Variants in NLGN1 observed in about 807,000 individuals in gnomAD.
NLGN1 encodes neuroligin-1.
In NLGN1, 12 loss-of-function variants were observed where a neutral mutation model predicts 65.5. The observed-to-expected ratio is 0.18, with a 90% CI of 0.12 to 0.30. The LOEUF is 0.30. Ranked by LOEUF, NLGN1 falls within the 10% of genes least tolerant of loss-of-function variation. The pLI is 1.00. For missense variants in NLGN1, 750 were observed against 1,007.1 expected, an observed-to-expected ratio of 0.74 and a Z score of 3.46; for synonymous variants, 350 against 359.5, an observed-to-expected ratio of 0.97 and a Z score of 0.30.
intron 4 of NLGN1, among the ~76,000 whole-genome samples, chr3:173,951,974 A>G (rs960400273): frequency 1.1e-4 from 16 of 152,206 alleles, no homozygotes; most frequent in Non-Finnish European, 1.6e-4. Context: ...CAATAAAAGT[A>G]CATGTCTATG....
intron 4 of NLGN1, among the ~76,000 whole-genome samples, chr3:174,072,592 G>A (rs908870149): frequency 5.3e-5 from 8 of 152,094 alleles, no homozygotes; most frequent in Admixed American, 3.3e-4. Flanking sequence ...TTAAAATTGA[G>A]CAACGGGAAT....
At chr3:174,067,764 G>T (rs1301546385) in intron 4 of NLGN1, among the ~76,000 whole-genome samples, 2 of 152,092 alleles carry the variant, frequency 1.3e-5, no homozygotes, top group Admixed American at 1.3e-4. Flanking sequence ...CTTTAAAAAT[G>T]GAATGATCAG....
At chr3:173,806,195 G>A (rs1482637610) in intron 3 of NLGN1, among the ~76,000 whole-genome samples, 1 of 152,062 alleles carries the variant, frequency 6.6e-6, no homozygotes, top group Non-Finnish European at 1.5e-5. Flanking sequence ...TCGAAAATCT[G>A]GGCAAACAAG....
intron 4 of NLGN1, among the ~76,000 whole-genome samples, chr3:173,941,211 C>A (rs1438781894): frequency 6.6e-6 from 1 of 152,040 alleles, no homozygotes; most frequent in Non-Finnish European, 1.5e-5. Flanking sequence ...TCAAACCATT[C>A]AGGCCTTCCA....
At chr3:174,234,458 T>C (rs77564377) in intron 4 of NLGN1, among the ~76,000 whole-genome samples, 1 of 152,222 alleles carries the variant, frequency 6.6e-6, no homozygotes, top group Non-Finnish European at 1.5e-5. Flanking sequence ...TGAGGCGTTC[T>C]TTCCTTACCA....
intron 2 of NLGN1, among the ~76,000 whole-genome samples, chr3:173,529,756 C>G (rs990066116): frequency 6.6e-6 from 1 of 152,004 alleles, no homozygotes; most frequent in Non-Finnish European, 1.5e-5. Flanking sequence ...CTAACCTGTT[C>G]GTCAATGCAG....
intron 4 of NLGN1, among the ~76,000 whole-genome samples, chr3:174,031,502 C>T (rs1730013425): frequency 6.6e-6 from 1 of 152,098 alleles, no homozygotes. Flanking sequence ...AAATTGAAGA[C>T]TTTTCAGGAG....
At chr3:173,719,668 T>G (rs1019110826) in intron 3 of NLGN1, among the ~76,000 whole-genome samples, 1 of 152,242 alleles carries the variant, frequency 6.6e-6, no homozygotes, top group Non-Finnish European at 1.5e-5. Context: ...TGAACTTTTC[T>G]CAGAAAATAC....
At chr3:173,997,888 C>G (rs1024141826) in intron 4 of NLGN1, among the ~76,000 whole-genome samples, 1 of 152,086 alleles carries the variant, frequency 6.6e-6, no homozygotes, top group Non-Finnish European at 1.5e-5. Context: ...ACCAATACAT[C>G]AGATTCAGGG....
chr3:174,291,844 A>G, the NLGN1 span, among the ~76,000 whole-genome samples: 14 of 151,278 alleles, frequency 9.3e-5, no homozygotes, highest in Non-Finnish European at 1.6e-4. Context: ...AATGAGGGCT[A>G]TATGGTGGAG....
At chr3:173,494,171 G>T (rs1729648699) in intron 2 of NLGN1, among the ~76,000 whole-genome samples, 1 of 150,534 alleles carries the variant, frequency 6.6e-6, no homozygotes, top group South Asian at 2.1e-4. Context: ...GCGGGGAGTG[G>T]TGGTGGTGGT....
intron 4 of NLGN1, among the ~76,000 whole-genome samples, chr3:174,270,136 T>C (rs899561337): frequency 4.7e-5 from 7 of 150,314 alleles, no homozygotes; most frequent in Non-Finnish European, 7.4e-5. Context: ...TTTTTTTTTT[T>C]TTTTTGATGT....
At chr3:174,262,664 T>G (rs1444253582) in intron 4 of NLGN1, among the ~76,000 whole-genome samples, 2 of 151,444 alleles carry the variant, frequency 1.3e-5, no homozygotes, top group African/African-American at 2.4e-5. Flanking sequence ...TGTTGAAGGG[T>G]TTTTTGTGTC....
intron 3 of NLGN1, among the ~76,000 whole-genome samples, chr3:173,632,743 A>T (rs1755883754): frequency 6.6e-6 from 1 of 151,980 alleles, no homozygotes; most frequent in African/African-American, 2.4e-5. Flanking sequence ...TGAGATTTAG[A>T]GCCAAGGAAA....
intron 4 of NLGN1, among the ~76,000 whole-genome samples, chr3:174,239,250 G>A (rs1458265416): frequency 6.6e-6 from 1 of 151,988 alleles, no homozygotes; most frequent in Non-Finnish European, 1.5e-5. Context: ...TGTGTTTTTA[G>A]TAGAGATGGA....
intron 4 of NLGN1, among the ~76,000 whole-genome samples, chr3:173,979,061 G>A (rs183944890): frequency 3.9e-4 from 59 of 151,950 alleles, no homozygotes; most frequent in Non-Finnish European, 7.1e-4. Flanking sequence ...GAGCAACTGA[G>A]TACATTGGTG....
At chr3:173,635,896 A>G (rs970589604) in intron 3 of NLGN1, among the ~76,000 whole-genome samples, 1 of 152,066 alleles carries the variant, frequency 6.6e-6, no homozygotes, top group Non-Finnish European at 1.5e-5. Context: ...TTTTTTTACT[A>G]TGGAATCTAT....
intron 3 of NLGN1, among the ~76,000 whole-genome samples, chr3:173,674,005 A>T (rs1266541590): frequency 3.9e-5 from 6 of 151,974 alleles, no homozygotes; most frequent in African/African-American, 1.2e-4. Flanking sequence ...TTACAAAGTC[A>T]TTTACTTGGC....
chr3:173,460,242 C>T (rs556218215), intron 2 of NLGN1, among the ~76,000 whole-genome samples: 3 of 152,074 alleles, frequency 2.0e-5, no homozygotes, highest in South Asian at 2.1e-4. Flanking sequence ...ATGAAATACT[C>T]ATAAGATAGC....
Sources: allele counts gnomAD v4.1 joint callset (sites outside exome capture counted in the v4.1 genomes callset), GRCh38; gene constraint gnomAD v4.1.1; transcripts MANE v1.5; gene names NCBI Gene and HGNC (gene_info 2026-07-23, HGNC 2026-07-21).